U2SURP: variants seen among roughly 807,000 people sequenced by gnomAD.
The protein encoded by U2SURP is U2 snRNP associated SURP domain containing, also known as U2 snRNP-associated SURP motif-containing protein.
Under a neutral mutation model 144.9 loss-of-function variants are expected in U2SURP, and 9 were observed. That is an observed-to-expected ratio of 0.06 (90% CI 0.04 to 0.11). The LOEUF (loss-of-function observed/expected upper bound fraction) is 0.11, where lower values mean the gene tolerates loss of function less well. Among genes scored for constraint, U2SURP ranks in the 10% least tolerant of loss-of-function variants. The pLI, the probability that U2SURP is intolerant of heterozygous loss-of-function variation, is 1.00. For missense variants in U2SURP, 724 were observed against 1,226.7 expected, an observed-to-expected ratio of 0.59 and a Z score of 6.12; for synonymous variants, 408 against 396.8, an observed-to-expected ratio of 1.03 and a Z score of -0.33.
In U2SURP at chr3:143,019,560, T is replaced by C. The variant is rs548708155; in HGVS notation, c.571-409T>C. Among the ~76,000 whole-genome samples, 345 of 152,330 alleles carry C rather than the reference T, an allele frequency of 2.3e-3. 3 individuals carry two copies. The highest frequency in any genetic ancestry group is 8.0e-3 in the African/African-American group (331 of 41,582). On this transcript the variant is annotated intron_variant, in intron 6 of 27. Coordinates refer to ENST00000473835, the MANE Select transcript of U2SURP (RefSeq NM_001080415.2). Reference sequence around the variant, plus strand: ...GATTATTCTTCCCTATTAAATTATGTTGGCACTTCTAAAAGAAGGATTCCA... The same window carrying C: ...GATTATTCTTCCCTATTAAATTATGCTGGCACTTCTAAAAGAAGGATTCCA...
intron 23 of U2SURP, among the ~76,000 whole-genome samples, chr3:143,042,196 T>G (rs1228439822): frequency 6.6e-6 from 1 of 152,100 alleles, no homozygotes; most frequent in East Asian, 1.9e-4. Context: ...TCTCAGGTTT[T>G]TATTTTCTTG....
At chr3:143,010,299 G>A (rs1224666082) in intron 1 of U2SURP, among the ~76,000 whole-genome samples, 48 of 152,240 alleles carry the variant, frequency 3.2e-4, no homozygotes, top group Admixed American at 3.1e-3. Flanking sequence ...AAAACGAGTT[G>A]TAAATGGTGC....
intron 8 of U2SURP, among the ~76,000 whole-genome samples, chr3:143,020,978 G>A (rs1936600083): frequency 6.6e-6 from 1 of 152,176 alleles, no homozygotes; most frequent in Admixed American, 6.5e-5. Context: ...GATTACCTAA[G>A]GTCAGGAGTT....
chr3:143,010,872 G>A lies in U2SURP; in HGVS notation c.90+13G>A, dbSNP rs1173381801. ...TTCAGATGCACATGTGAGTATAGAA[G>A]GCAATCTTTGTCTTTTTTCCTTTAA... On this transcript the variant is annotated intron_variant, in intron 2 of 27. Coordinates refer to ENST00000473835, the MANE Select transcript of U2SURP (RefSeq NM_001080415.2). 1.9e-6 allele frequency: 3 copies of A among 1,595,948 alleles called. No homozygotes were observed. Among genetic ancestry groups the A allele is most frequent in the Non-Finnish European group, 2.6e-6 (3 of 1,170,302 alleles).
intron 24 of U2SURP, 84 bp downstream of exon 24, chr3:143,043,360 C>A: frequency 2.9e-6 from 4 of 1,361,402 alleles, no homozygotes; most frequent in Non-Finnish European, 3.0e-6. Flanking sequence ...TGCATTGTAC[C>A]GTAGTACATA....
intron 6 of U2SURP, among the ~76,000 whole-genome samples, chr3:143,019,641 C>T (rs1478521802): frequency 6.6e-6 from 1 of 152,176 alleles, no homozygotes; most frequent in Non-Finnish European, 1.5e-5. Context: ...ACTTACTGTT[C>T]CAGTAACTCA....
At chr3:143,031,643 T>C (rs564388098) in intron 16 of U2SURP, among the ~76,000 whole-genome samples, 5 of 152,370 alleles carry the variant, frequency 3.3e-5, no homozygotes, top group Non-Finnish European at 7.3e-5. Flanking sequence ...TACAATATGG[T>C]ATAAACATAA....
At chr3:143,023,790 C>G (rs1932972438) in intron 12 of U2SURP, among the ~76,000 whole-genome samples, 185 bp from the exon 13 acceptor site, 1 of 152,142 alleles carries the variant, frequency 6.6e-6, no homozygotes, top group Non-Finnish European at 1.5e-5. Context: ...GTTTATTGTT[C>G]ACTGAACACA....
intron 25 of U2SURP, among the ~76,000 whole-genome samples, chr3:143,052,950 GTTTTTTTT>G (rs11436960): frequency 7.5e-6 from 1 of 132,950 alleles, no homozygotes; most frequent in Admixed American, 7.5e-5. Context: ...AAATGTGTTG[GTTTTTTTT>G]TTTTTTTTTG....
At chr3:143,038,019 C>A in intron 21 of U2SURP, 89 bp from the exon 22 acceptor site, 1 of 896,022 alleles carries the variant, frequency 1.1e-6, no homozygotes, top group Non-Finnish European at 1.6e-6. Context: ...TTTTACTTTG[C>A]TTTTTAATAA....
At chr3:143,027,787 T>TA (rs1560188587) in intron 14 of U2SURP, among the ~76,000 whole-genome samples, 4 of 152,318 alleles carry the variant, frequency 2.6e-5, no homozygotes, top group African/African-American at 9.6e-5. Flanking sequence ...ACAGTTTTAG[T>TA]AATCAGAGTA....
At chr3:143,010,938 T>C in intron 2 of U2SURP, 79 bp downstream of exon 2, 1 of 1,069,350 alleles carries the variant, frequency 9.4e-7, no homozygotes. Flanking sequence ...ATCAATGATT[T>C]TACTTGACAA....
chr3:143,034,643 C>G lies in U2SURP; in HGVS notation c.1854-245C>G, dbSNP rs754346058. ...ATGGTTCAGCATATCCTAGATATAA[C>G]GTTTCTTGCTCGTAAAGGGAACTAG... On this transcript the variant is annotated intron_variant, in intron 18 of 27. Coordinates refer to ENST00000473835, the MANE Select transcript of U2SURP (RefSeq NM_001080415.2). The G allele has an allele frequency of 1.0e-5, 3 of 296,130 alleles. No individual in the cohort carries two copies. In the East Asian group the frequency reaches 1.9e-4, roughly 18 times the overall value. 18.3% of individuals were successfully genotyped at this position (296,130 alleles called of 1,614,324 possible). A position where few individuals can be genotyped will look rare whatever the true frequency, so the allele number is the denominator to read the frequency against.
chr3:143,003,186 A>G (rs1046609432), intron 1 of U2SURP, among the ~76,000 whole-genome samples: 1 of 152,238 alleles, frequency 6.6e-6, no homozygotes, highest in African/African-American at 2.4e-5. Flanking sequence ...TTCTCAATAA[A>G]TAAATTATTG....
chr3:143,050,006 A>G (rs1179909437), intron 24 of U2SURP, among the ~76,000 whole-genome samples: 6 of 152,118 alleles, frequency 3.9e-5, no homozygotes, highest in Admixed American at 3.9e-4. Context: ...CAATGCTGCA[A>G]TGAATATCTT....
chr3:143,010,689 T>C (rs1247229890), intron 1 of U2SURP, 126 bp from the exon 2 acceptor site: 3 of 537,012 alleles, frequency 5.6e-6, no homozygotes, highest in Non-Finnish European at 9.5e-6. Context: ...CTGCCTTTGC[T>C]CAGTTTTATT....
At position 143,055,130 on chromosome 3, in the gene U2SURP, G is replaced by C. The variant is rs1935076958; in HGVS notation, c.2951+11G>C. The C allele has an allele frequency of 6.4e-7, 1 of 1,556,874 alleles. No homozygotes were observed. The highest frequency in any genetic ancestry group is 2.4e-5 in the East Asian group (1 of 41,278). On this transcript the variant is annotated intron_variant, in intron 27 of 27. Transcript: ENST00000473835. ...CAAAAAAGCCAAAAGGTAAATGCAA[G>C]TCATTTTTGCTAATATTTCAGATAC...
intron 10 of U2SURP, 159 bp downstream of exon 10, chr3:143,021,714 A>G (rs1259083242): frequency 1.5e-6 from 1 of 669,724 alleles, no homozygotes; most frequent in African/African-American, 1.8e-5. Flanking sequence ...GTCTTGCCAC[A>G]TATTCTTGTT....
chr3:143,047,872 C>CG (rs1367292717), intron 24 of U2SURP, among the ~76,000 whole-genome samples: 1 of 81,818 alleles, frequency 1.2e-5, no homozygotes, highest in East Asian at 4.5e-4. Flanking sequence ...GCTGGCCGGG[C>CG]GGGGGGCTGA....
Sources: allele counts gnomAD v4.1 joint callset (sites outside exome capture counted in the v4.1 genomes callset), GRCh38; gene constraint gnomAD v4.1.1; transcripts MANE v1.5; gene names NCBI Gene and HGNC (gene_info 2026-07-23, HGNC 2026-07-21).